SKAP1: variants seen among roughly 807,000 people sequenced by gnomAD.
SKAP1 encodes src kinase associated phosphoprotein 1.
A neutral mutation model predicts 58.5 loss-of-function variants in SKAP1; 44 were observed. That is an observed-to-expected ratio of 0.75 (90% confidence interval 0.59 to 0.97). The LOEUF is 0.97. Ranked by LOEUF, SKAP1 falls within the 50% of genes least tolerant of loss-of-function variation. SKAP1 has a pLI of 0.00. For synonymous variants in SKAP1, 127 were observed against 149.7 expected, an observed-to-expected ratio of 0.85 and a Z score of 1.11; for missense variants, 390 against 435.2, an observed-to-expected ratio of 0.90 and a Z score of 0.92.
chr17:48,415,655 TC>T (rs1238563143), intron 1 of SKAP1, among the ~76,000 whole-genome samples: 1 of 152,110 alleles, frequency 6.6e-6, no homozygotes, highest in East Asian at 1.9e-4. Flanking sequence ...TGTTCTCCCT[TC>T]CCTTTCGGCC....
chr17:48,367,205 T>A (rs1430720419), intron 2 of SKAP1, among the ~76,000 whole-genome samples: 1 of 152,152 alleles, frequency 6.6e-6, no homozygotes, highest in Non-Finnish European at 1.5e-5. Flanking sequence ...AGTTATACCT[T>A]AAGAACTCAG....
Position 48,184,829 on chromosome 17 carries a change from G to A in SKAP1, c.461C>T (p.Thr154Ile). The A allele has an allele frequency of 6.2e-7, 1 of 1,613,636 alleles. No individual in the cohort carries two copies. The highest frequency in any genetic ancestry group is 1.1e-5 in the South Asian group (1 of 91,044). Residue 154 changes from threonine (T) to isoleucine (I), a missense_variant, in exon 7 of 13, where the codon ACC (threonine) becomes ATC (isoleucine). Coordinates refer to ENST00000336915, the MANE Select transcript of SKAP1 (RefSeq NM_003726.4). The stretch of plus-strand genomic sequence containing the variant: ...TACACCGTAGCCCTTAATGAGGAAG[G>A]TCCCTTTGGGCTGCTTGCCTGCAAG... ...ANEKSKQPKG[T>I]FLIKGYGVRM...
intron 2 of SKAP1, among the ~76,000 whole-genome samples, chr17:48,373,221 T>A (rs2067108846): frequency 6.6e-6 from 1 of 152,150 alleles, no homozygotes; most frequent in African/African-American, 2.4e-5. Context: ...AGCACCTTCT[T>A]CACAGGGTGG....
chr17:48,248,333 G>A (rs191614790), intron 4 of SKAP1, among the ~76,000 whole-genome samples: 2 of 152,150 alleles, frequency 1.3e-5, no homozygotes, highest in Non-Finnish European at 2.9e-5. Flanking sequence ...TTGGGAAGCC[G>A]AGGCGGTTGG....
upstream of SKAP1, among the ~76,000 whole-genome samples, chr17:48,432,079 C>G (rs931620697): frequency 4.6e-5 from 7 of 152,198 alleles, no homozygotes; most frequent in African/African-American, 1.7e-4. Context: ...CAGAGGCTGG[C>G]ATGAGCCTCT....
intron 4 of SKAP1, among the ~76,000 whole-genome samples, chr17:48,312,355 A>G (rs2066233801): frequency 1.3e-5 from 2 of 152,250 alleles, no homozygotes; most frequent in Admixed American, 1.3e-4. Flanking sequence ...GTTTTCTTGC[A>G]TATACTTCTC....
In SKAP1 at chr17:48,384,253, G is replaced by A. The variant is rs143967804; in HGVS notation, c.152+12427C>T. ...TGTTGATGGTTTGGGGAGTGAAGGG[G>A]GAGCAATCAGGAATGACTCCCAGGA... On this transcript the variant is annotated intron_variant, in intron 2 of 12. Transcript: ENST00000336915. Among the ~76,000 whole-genome samples the A allele has an allele frequency of 8.5e-5, 13 of 152,194 alleles. No individual in the cohort carries two copies. The East Asian group carries it at 2.5e-3, about 29-fold the overall frequency.
intron 4 of SKAP1, among the ~76,000 whole-genome samples, chr17:48,196,408 T>C (rs1429605995): frequency 1.3e-5 from 2 of 152,246 alleles, no homozygotes; most frequent in Non-Finnish European, 2.9e-5. Context: ...TTTTATGTTT[T>C]TCAGCTTTTA....
At chr17:48,200,744 C>T (rs151300740) in intron 4 of SKAP1, among the ~76,000 whole-genome samples, 185 of 152,338 alleles carry the variant, frequency 1.2e-3, no homozygotes, top group African/African-American at 4.3e-3. Flanking sequence ...CTTAAATATA[C>T]ACAATACACT....
At chr17:48,306,247 T>A (rs1321928178) in intron 4 of SKAP1, among the ~76,000 whole-genome samples, 2 of 152,316 alleles carry the variant, frequency 1.3e-5, no homozygotes, top group African/African-American at 2.4e-5. Flanking sequence ...TTATTCCCAG[T>A]ATAACATATC....
At chr17:48,439,829 G>A in the SKAP1 span, among the ~76,000 whole-genome samples, 1 of 152,226 alleles carries the variant, frequency 6.6e-6, no homozygotes, top group Non-Finnish European at 1.5e-5. Flanking sequence ...ATGAGGGCCT[G>A]TGTTCTTGCG....
chr17:48,381,956 G>A (rs1371095387), intron 2 of SKAP1, among the ~76,000 whole-genome samples: 2 of 152,152 alleles, frequency 1.3e-5, no homozygotes, highest in Non-Finnish European at 2.9e-5. Flanking sequence ...CTCAATAAGA[G>A]TGCTTTCCCA....
At chr17:48,193,603 T>C (rs1350513468) in intron 4 of SKAP1, 1 of 794,830 alleles carries the variant, frequency 1.3e-6, no homozygotes, top group Admixed American at 6.2e-5. Flanking sequence ...ATGATCTATC[T>C]GACAAATCCA....
chr17:48,328,014 C>T (rs2066460108), intron 4 of SKAP1, among the ~76,000 whole-genome samples: 1 of 152,166 alleles, frequency 6.6e-6, no homozygotes, highest in Non-Finnish European at 1.5e-5. Context: ...ATTATCACCA[C>T]AAAGAGTTGA....
At chr17:48,366,594 T>C (rs985168366) in intron 2 of SKAP1, among the ~76,000 whole-genome samples, 12 of 152,100 alleles carry the variant, frequency 7.9e-5, no homozygotes, top group Non-Finnish European at 4.4e-5. Context: ...TTGTGAATAA[T>C]AGTATGATGG....
At chr17:48,219,288 C>T (rs1014428178) in intron 4 of SKAP1, among the ~76,000 whole-genome samples, 2 of 152,202 alleles carry the variant, frequency 1.3e-5, no homozygotes, top group African/African-American at 4.8e-5. Context: ...TTGTACTATT[C>T]ACTTCTCATT....
intron 4 of SKAP1, among the ~76,000 whole-genome samples, chr17:48,311,907 C>A (rs1206936806): frequency 6.6e-6 from 1 of 152,114 alleles, no homozygotes; most frequent in African/African-American, 2.4e-5. Flanking sequence ...CAAGCACCAG[C>A]CATGATAAAT....
chr17:48,344,801 C>G (rs1173958780), intron 4 of SKAP1, among the ~76,000 whole-genome samples: 1 of 151,676 alleles, frequency 6.6e-6, no homozygotes, highest in Non-Finnish European at 1.5e-5. Flanking sequence ...TGGAGGTTAT[C>G]AAGTCAGTGA....
At chr17:48,188,877 G>A (rs746461317) in intron 5 of SKAP1, among the ~76,000 whole-genome samples, 1 of 152,138 alleles carries the variant, frequency 6.6e-6, no homozygotes, top group Non-Finnish European at 1.5e-5. Flanking sequence ...GCACGCACCT[G>A]TAGTCCCAGT....
Sources: gnomAD v4.1 joint callset for allele counts (sites outside exome capture counted in the v4.1 genomes callset) on GRCh38, gnomAD v4.1.1 for gene constraint, MANE v1.5 for transcripts, NCBI Gene and HGNC (gene_info 2026-07-23, HGNC 2026-07-21) for gene names.